SYCP2L: variants seen among roughly 807,000 people sequenced by gnomAD.
SYCP2L encodes the protein synaptonemal complex protein 2-like.
A neutral mutation model predicts 125.8 loss-of-function variants in SYCP2L; 98 were observed. That is an observed-to-expected ratio of 0.78 (90% confidence interval 0.66 to 0.92). SYCP2L has a LOEUF of 0.92. Among genes scored for constraint, SYCP2L ranks in the 40% least tolerant of loss-of-function variants. SYCP2L has a pLI of 0.00. For synonymous variants in SYCP2L, 317 were observed against 325.4 expected (o/e 0.97, Z 0.28); for missense variants, 842 against 936.4 (o/e 0.90, Z 1.32).
At chr6:10,906,099 A>G (rs1780483979) in intron 9 of SYCP2L, 45 bp downstream of exon 9, 1 of 1,192,514 alleles carries the variant, frequency 8.4e-7, no homozygotes, top group South Asian at 1.3e-5. Context: ...TAAATATTGG[A>G]CACTGGGGGT....
Position 10,911,894 on chromosome 6 carries a change from C to CTTTCTTTTTTTTTTTTTTTTTTTTTTT in SYCP2L, c.919-776_919-775insCTTTTTTTTTTTTTTTTTTTTTTTTTT. On this transcript the variant is annotated intron_variant, in intron 12 of 29. Coordinates refer to ENST00000283141, the MANE Select transcript of SYCP2L (RefSeq NM_001040274.3). The stretch of plus-strand genomic sequence containing the variant: ...TTTATCTGTTGTTGGGGAATAAAAG[C>CTTTCTTTTTTTTTTTTTTTTTTTTTTT]TTTTTTTTTTTTTTTTTTTTTTTTT... Among the ~76,000 whole-genome samples the CTTTCTTTTTTTTTTTTTTTTTTTTTTT allele has an allele frequency of 3.4e-4, 17 of 50,026 alleles. 6 individuals carry two copies. The highest frequency in any genetic ancestry group is 7.6e-4 in the Admixed American group (2 of 2,618). The allele number at this position is 50,026 out of a possible 152,430, so 32.8% of individuals were successfully genotyped here. A position where few individuals can be genotyped will look rare whatever the true frequency, so the allele number is the denominator to read the frequency against.
At chr6:10,931,964 CAA>C (rs70991075) in intron 20 of SYCP2L, among the ~76,000 whole-genome samples, 3 of 102,662 alleles carry the variant, frequency 2.9e-5, no homozygotes, top group African/African-American at 3.9e-5. Context: ...GACCGTGTCT[CAA>C]AAAAAAAAAA....
At chr6:10,926,554 G>T in intron 16 of SYCP2L, 122 bp downstream of exon 16, 2 of 691,384 alleles carry the variant, frequency 2.9e-6, no homozygotes, top group Admixed American at 5.3e-5. Context: ...TGGCACTTCT[G>T]GAGGAAGAAG....
intron 28 of SYCP2L, 147 bp downstream of exon 28, chr6:10,961,705 C>G: frequency 1.4e-6 from 1 of 727,270 alleles, no homozygotes; most frequent in East Asian, 2.7e-5. Context: ...TGTGGCACCT[C>G]CCTGAGGACA....
At chr6:10,953,912 G>A (rs1781453357) in intron 23 of SYCP2L, among the ~76,000 whole-genome samples, 1 of 152,164 alleles carries the variant, frequency 6.6e-6, no homozygotes, top group East Asian at 1.9e-4. Context: ...CTATGGGGAT[G>A]TGCTCTGGTC....
At chr6:10,916,408 T>G (rs1181744136) in intron 14 of SYCP2L, among the ~76,000 whole-genome samples, 1 of 152,228 alleles carries the variant, frequency 6.6e-6, no homozygotes, top group Non-Finnish European at 1.5e-5. Context: ...GGTGTGACCT[T>G]AGATTGTCTG....
At position 10,961,594 on chromosome 6, in the gene SYCP2L, G is replaced by T. The variant is rs202185257; in HGVS notation, c.2414+36G>T. ...AGGTGTTCTTTCTAGAAGAATCTTGGTTGAAGTATGAGGTAATGCTTTAGC... is the reference window on the plus strand; with the variant it reads ...AGGTGTTCTTTCTAGAAGAATCTTGTTTGAAGTATGAGGTAATGCTTTAGC... On this transcript the variant is annotated intron_variant, in intron 28 of 29. Coordinates refer to ENST00000283141, the MANE Select transcript of SYCP2L (RefSeq NM_001040274.3). The T allele has an allele frequency of 9.0e-5, 144 of 1,605,782 alleles. No homozygotes were observed. The African/African-American group carries it at 1.9e-3, about 21-fold the overall frequency.
chr6:10,955,788 C>A (rs1415875929), intron 24 of SYCP2L, among the ~76,000 whole-genome samples: 2 of 152,174 alleles, frequency 1.3e-5, no homozygotes, highest in Non-Finnish European at 2.9e-5. Context: ...TTGATGCTTG[C>A]AAATCCCTCA....
intron 1 of SYCP2L, among the ~76,000 whole-genome samples, chr6:10,887,357 T>C (rs1391846118): frequency 6.6e-6 from 1 of 152,180 alleles, no homozygotes; most frequent in African/African-American, 2.4e-5. Flanking sequence ...TAAATAGCGC[T>C]CAGGGAAAGG....
intron 1 of SYCP2L, among the ~76,000 whole-genome samples, chr6:10,890,147 T>A (rs1780149817): frequency 6.6e-6 from 1 of 152,234 alleles, no homozygotes; most frequent in Admixed American, 6.5e-5. Context: ...ATATCTTGGC[T>A]ATTATGAATA....
At chr6:10,946,632 A>C (rs1781318453) in intron 23 of SYCP2L, among the ~76,000 whole-genome samples, 1 of 152,166 alleles carries the variant, frequency 6.6e-6, no homozygotes, top group Non-Finnish European at 1.5e-5. Context: ...TTTCTGTCAT[A>C]CATCAAAGAA....
intron 29 of SYCP2L, among the ~76,000 whole-genome samples, chr6:10,966,576 T>C (rs1781681641): frequency 6.6e-6 from 1 of 152,208 alleles, no homozygotes; most frequent in African/African-American, 2.4e-5. Flanking sequence ...GGTTATTTTT[T>C]GAAACTTGAC....
At chr6:10,935,952 G>T (rs867465526) in intron 21 of SYCP2L, among the ~76,000 whole-genome samples, 3 of 152,110 alleles carry the variant, frequency 2.0e-5, no homozygotes, top group Non-Finnish European at 4.4e-5. Flanking sequence ...GCCAGAGTTT[G>T]CCAACCCTTA....
intron 12 of SYCP2L, among the ~76,000 whole-genome samples, chr6:10,911,336 C>G (rs540732755): frequency 1.3e-5 from 2 of 152,084 alleles, no homozygotes; most frequent in Admixed American, 1.3e-4. Context: ...CCCCACCCCC[C>G]ATTTGGTTTC....
chr6:10,965,886 G>A (rs1054259922), intron 29 of SYCP2L, among the ~76,000 whole-genome samples: 3 of 152,210 alleles, frequency 2.0e-5, no homozygotes, highest in Non-Finnish European at 4.4e-5. Flanking sequence ...GCCAAGGCGG[G>A]TGAATCACCT....
intron 26 of SYCP2L, among the ~76,000 whole-genome samples, chr6:10,960,663 G>C (rs572363716): frequency 6.6e-6 from 1 of 152,272 alleles, no homozygotes; most frequent in African/African-American, 2.4e-5. Flanking sequence ...TAATGCAAGA[G>C]AAAGGGGAGC....
rs754932983 is a variant in SYCP2L at position 10,907,703 on chromosome 6, C to G, written c.819+19C>G. On this transcript the variant is annotated intron_variant, in intron 10 of 29. Coordinates refer to ENST00000283141, the MANE Select transcript of SYCP2L (RefSeq NM_001040274.3). ...TGAGACGGTGAGATTCCTGGCCATG[C>G]GAATTTCTTATTAGCCAATATTTAT... 2 of 1,608,710 alleles carry G rather than the reference C, an allele frequency of 1.2e-6. No individual in the cohort carries two copies. Among genetic ancestry groups the G allele is most frequent in the Non-Finnish European group, 1.7e-6 (2 of 1,177,626 alleles).
chr6:10,888,496 C>T (rs567073259), intron 1 of SYCP2L, among the ~76,000 whole-genome samples: 37 of 152,150 alleles, frequency 2.4e-4, no homozygotes, highest in African/African-American at 7.7e-4. Context: ...GGTTCCTACC[C>T]ACAAAAGCTG....
In SYCP2L at chr6:10,955,239, A is replaced by G. The variant is rs372762183; in HGVS notation, c.2056+22A>G. On this transcript the variant is annotated intron_variant, in intron 24 of 29. Coordinates refer to ENST00000283141, the MANE Select transcript of SYCP2L (RefSeq NM_001040274.3). ...CCAGGTAACATCATGCACCCAGCCA[A>G]TGGTTCAAGTAGGAGTGGGATAAAT... 37 of 1,486,210 alleles carry G rather than the reference A, an allele frequency of 2.5e-5. 1 individual carries two copies. The highest frequency in any genetic ancestry group is 1.9e-4 in the African/African-American group (14 of 72,544). 92.1% of individuals were successfully genotyped at this position (1,486,210 alleles called of 1,614,324 possible). A position where few individuals can be genotyped will look rare whatever the true frequency, so the allele number is the denominator to read the frequency against.
Sources: gnomAD v4.1 joint callset for allele counts (sites outside exome capture counted in the v4.1 genomes callset) on GRCh38, gnomAD v4.1.1 for gene constraint, MANE v1.5 for transcripts, NCBI Gene and HGNC (gene_info 2026-07-23, HGNC 2026-07-21) for gene names.